The following DDX31 variants were observed in gnomAD, a reference collection of about 807,000 sequenced individuals.
DDX31 encodes ATP-dependent DNA helicase DDX31.
A neutral mutation model predicts 91.3 loss-of-function variants in DDX31; 70 were observed. The ratio of observed to expected loss-of-function variants is 0.77; its 90% CI spans 0.63 to 0.94. DDX31 has a LOEUF of 0.94. DDX31 is among the 40% of genes least tolerant of loss of function. DDX31 has a pLI of 0.00. For synonymous variants in DDX31, 362 were observed against 350.6 expected (o/e 1.03, Z -0.36); for missense variants, 902 against 925.0 (o/e 0.98, Z 0.32).
chr9:132,657,310 G>C (rs1055815451), intron 6 of DDX31, among the ~76,000 whole-genome samples: 1 of 152,094 alleles, frequency 6.6e-6, no homozygotes, highest in African/African-American at 2.4e-5. Flanking sequence ...AAAAATACAA[G>C]GAATTTCCAC....
intron 18 of DDX31, among the ~76,000 whole-genome samples, chr9:132,614,826 A>G (rs951332133): frequency 1.3e-5 from 2 of 152,172 alleles, no homozygotes; most frequent in Non-Finnish European, 2.9e-5. Context: ...TTCACACTGC[A>G]TATTTTTACT....
intron 14 of DDX31, chr9:132,638,047 C>T: frequency 3.3e-6 from 4 of 1,205,338 alleles, no homozygotes; most frequent in Non-Finnish European, 4.2e-6. Context: ...TGGAGGAAAG[C>T]AGCACAGGTG....
At chr9:132,624,159 T>G (rs1241572829) in intron 17 of DDX31, among the ~76,000 whole-genome samples, 2 of 97,342 alleles carry the variant, frequency 2.1e-5, no homozygotes, top group African/African-American at 8.9e-5. Context: ...AGAGCGAGAC[T>G]CCGTCTCAAA....
chr9:132,609,558 C>T lies in DDX31; in HGVS notation c.1994+2529G>A, dbSNP rs140168760. 2.7e-3 allele frequency among the ~76,000 whole-genome samples: 406 copies of T among 152,290 alleles called. 3 individuals carry two copies. Among genetic ancestry groups the T allele is most frequent in the African/African-American group, 9.3e-3 (386 of 41,558 alleles). The stretch of plus-strand genomic sequence containing the variant: ...TCCAGTCATAAAGGGAGATCATCTG[C>T]TAACTATGAAATCTTGGGATTGCAT... On this transcript the variant is annotated intron_variant, in intron 19 of 19. Transcript: ENST00000372159.
intron 19 of DDX31, among the ~76,000 whole-genome samples, chr9:132,607,365 A>G (rs1831083762): frequency 6.6e-6 from 1 of 152,220 alleles, no homozygotes. Flanking sequence ...TATACAAATA[A>G]AACTTTTCTT....
intron 17 of DDX31, among the ~76,000 whole-genome samples, chr9:132,624,727 G>A (rs963246003): frequency 6.6e-6 from 1 of 152,108 alleles, no homozygotes; most frequent in African/African-American, 2.4e-5. Context: ...GTCCTAGGTT[G>A]GGAACACACA....
chr9:132,654,586 C>A (rs926109352), intron 6 of DDX31, among the ~76,000 whole-genome samples: 1 of 152,084 alleles, frequency 6.6e-6, no homozygotes, highest in Non-Finnish European at 1.5e-5. Context: ...GCACTCCAGC[C>A]TGGGCGACAG....
At chr9:132,623,938 G>A (rs954530507) in intron 17 of DDX31, among the ~76,000 whole-genome samples, 4 of 152,120 alleles carry the variant, frequency 2.6e-5, no homozygotes, top group Admixed American at 2.0e-4. Context: ...AGACCAAGGC[G>A]GGTGAATCAT....
chr9:132,632,030 T>A lies in DDX31; in HGVS notation c.1491+11A>T. ...TGCCTAAAGCTTACACCTTAACAACTAAAAAATTACCTGAACAATCCACGT... is the reference window on the plus strand; with the variant it reads ...TGCCTAAAGCTTACACCTTAACAACAAAAAAATTACCTGAACAATCCACGT... On this transcript the variant is annotated intron_variant, in intron 15 of 19. Coordinates refer to ENST00000372159, the MANE Select transcript of DDX31 (RefSeq NM_022779.9). The A allele has an allele frequency of 6.2e-7, 1 of 1,612,150 alleles. No homozygotes were observed. Among genetic ancestry groups the A allele is most frequent in the Non-Finnish European group, 8.5e-7 (1 of 1,178,930 alleles).
chr9:132,662,368 G>C (rs1301009180), intron 2 of DDX31, 32 bp from the exon 3 acceptor site: 1 of 1,613,940 alleles, frequency 6.2e-7, no homozygotes, highest in Admixed American at 1.7e-5. Flanking sequence ...CCAGGCATCA[G>C]TGCCAATATT....
chr9:132,638,183 C>T, intron 14 of DDX31: 1 of 1,420,052 alleles, frequency 7.0e-7, no homozygotes, highest in Non-Finnish European at 9.2e-7. Context: ...GACTGCACTC[C>T]ATCCAGGGAC....
chr9:132,657,794 C>A (rs549443972), intron 6 of DDX31, among the ~76,000 whole-genome samples: 7 of 152,160 alleles, frequency 4.6e-5, no homozygotes, highest in African/African-American at 1.7e-4. Flanking sequence ...CCTCTGCCCA[C>A]GGATCACAGC....
intron 1 of DDX31, chr9:132,663,158 GGAGA>G: frequency 7.8e-7 from 1 of 1,287,624 alleles, no homozygotes; most frequent in Non-Finnish European, 1.0e-6. Context: ...AGACCGCACA[GGAGA>G]GAGGGGCGAG....
At chr9:132,659,643 G>A in intron 5 of DDX31, 67 bp downstream of exon 5, 1 of 1,516,170 alleles carries the variant, frequency 6.6e-7, no homozygotes, top group Non-Finnish European at 9.0e-7. Context: ...GACACCGCAT[G>A]GCAAAACCTA....
rs770175333 is a variant in DDX31, at chr9:132,669,843, G to T, written c.75+17C>A. ...GGCCGCGGGTGGGGACGGAGCTGAA[G>T]CCGGGTCAGAACTCACCCGACTCGC... is the stretch of plus-strand genomic sequence containing the variant. On this transcript the variant is annotated intron_variant, in intron 1 of 19. Transcript: ENST00000372159. 1.3e-6 allele frequency: 2 copies of T among 1,565,586 alleles called. No individual in the cohort carries two copies. Among genetic ancestry groups the T allele is most frequent in the Non-Finnish European group, 1.7e-6 (2 of 1,158,002 alleles).
rs1175838513 is a variant in DDX31, at chr9:132,662,552, C to T, written c.219G>A (p.Met73Ile). Residue 73 changes from methionine to isoleucine, a missense_variant, in exon 2 of 20, where the codon ATG (methionine) becomes ATA (isoleucine). Physicochemically the swap from Met to Ile is conservative, Grantham distance 10 (BLOSUM62 1). Coordinates refer to ENST00000372159, the MANE Select transcript of DDX31 (RefSeq NM_022779.9). ...TAACCGAATGCTTCTTTGGAGAAAA[C>T]ATTTTTTGTGCGTTCCCCTTAAAAG... ...QRTFKGNAQK[M>I]FSPKKHSVST... The T allele has an allele frequency of 6.2e-7, 1 of 1,614,210 alleles. No homozygotes were observed. The highest frequency in any genetic ancestry group is 1.7e-5 in the Admixed American group (1 of 60,028).
At chr9:132,628,159 CTGTT>C (rs1302287034) in intron 16 of DDX31, among the ~76,000 whole-genome samples, 1 of 152,240 alleles carries the variant, frequency 6.6e-6, no homozygotes, top group East Asian at 1.9e-4. Flanking sequence ...ATTCTGATGT[CTGTT>C]TAAGTTGATT....
chr9:132,638,185 T>C, intron 14 of DDX31: 2 of 1,460,880 alleles, frequency 1.4e-6, no homozygotes, highest in Non-Finnish European at 9.1e-7. Flanking sequence ...CTGCACTCCA[T>C]CCAGGGACAA....
intron 1 of DDX31, among the ~76,000 whole-genome samples, chr9:132,663,766 CTAAG>C (rs1164957791): frequency 1.3e-5 from 2 of 152,134 alleles, no homozygotes; most frequent in African/African-American, 2.4e-5. Flanking sequence ...ATTCTTTTAC[CTAAG>C]TAATTAAATA....
Sources: allele counts gnomAD v4.1 joint callset (sites outside exome capture counted in the v4.1 genomes callset), GRCh38; gene constraint gnomAD v4.1.1; transcripts MANE v1.5; gene names NCBI Gene and HGNC (gene_info 2026-07-23, HGNC 2026-07-21).